Variants in BLTP1 observed in about 807,000 individuals in gnomAD.
BLTP1 encodes fragile site-associated protein.
At chr4:122,225,455 A>G in the BLTP1 span, 2 of 152,190 alleles carry the variant, frequency 1.3e-5, no homozygotes, top group African/African-American at 4.8e-5. Context: ...CTGGAATTTG[A>G]TAGGAATGTT....
At chr4:122,169,775 C>A in the BLTP1 span, 4 of 984,846 alleles carry the variant, frequency 4.1e-6, no homozygotes, top group Non-Finnish European at 4.8e-6. Flanking sequence ...GTGAATTTTT[C>A]TTTATCCTAA....
the BLTP1 span, chr4:122,247,837 A>G: frequency 3.0e-6 from 3 of 987,106 alleles, no homozygotes; most frequent in Non-Finnish European, 3.6e-6. Context: ...AGGAAAGTAG[A>G]GCTGTTATAC....
At chr4:122,179,883 C>A in the BLTP1 span, 1 of 985,168 alleles carries the variant, frequency 1.0e-6, no homozygotes, top group Non-Finnish European at 1.2e-6. Flanking sequence ...ATCCTCCCTG[C>A]CCCCCACATA....
the BLTP1 span, chr4:122,271,615 G>T: frequency 6.2e-7 from 1 of 1,613,230 alleles, no homozygotes; most frequent in Non-Finnish European, 8.5e-7. Flanking sequence ...AACAAAGTGA[G>T]CCTTCAGCTG....
chr4:122,230,229 G>T, the BLTP1 span: 1 of 1,605,848 alleles, frequency 6.2e-7, no homozygotes, highest in South Asian at 1.1e-5. Flanking sequence ...AAAATGTTAA[G>T]AATGGCAGTA....
chr4:122,332,666 A>G, the BLTP1 span, among the ~76,000 whole-genome samples: 2 of 140,900 alleles, frequency 1.4e-5, no homozygotes, highest in East Asian at 4.2e-4. Context: ...GTTTTAGGGT[A>G]CATGTGCACA....
the BLTP1 span, chr4:122,343,261 ATTTAAATCTATTGATCT>A: frequency 4.8e-6 from 5 of 1,031,438 alleles, no homozygotes. Context: ...AGTTTTAAGG[ATTTAAATCTATTGATCT>A]GTTAAATCTA....
chr4:122,273,876 AAG>A, the BLTP1 span, among the ~76,000 whole-genome samples: 21 of 152,082 alleles, frequency 1.4e-4, no homozygotes, highest in Non-Finnish European at 2.5e-4. Flanking sequence ...TAAATGAAAA[AAG>A]TAGGCAAAAT....
At chr4:122,324,316 A>G in the BLTP1 span, 1 of 1,106,902 alleles carries the variant, frequency 9.0e-7, no homozygotes, top group Non-Finnish European at 1.2e-6. Flanking sequence ...GTAACATTAA[A>G]GTCCCCTGGG....
At chr4:122,184,752 A>G in the BLTP1 span, 1 of 985,122 alleles carries the variant, frequency 1.0e-6, no homozygotes, top group East Asian at 1.1e-4. Flanking sequence ...TCATTAGCAT[A>G]CTGCCTTTCT....
the BLTP1 span, chr4:122,336,787 C>A: frequency 8.1e-6 from 11 of 1,351,722 alleles, no homozygotes; most frequent in Middle Eastern, 2.5e-4. Flanking sequence ...GGTGTTCATA[C>A]CTTTCATCTC....
chr4:122,244,144 T>C, the BLTP1 span: 1 of 1,053,456 alleles, frequency 9.5e-7, no homozygotes, highest in Non-Finnish European at 1.3e-6. Flanking sequence ...GTATATGTGA[T>C]ATATGTTCAT....
At chr4:122,296,410 A>G in the BLTP1 span, among the ~76,000 whole-genome samples, 2,127 of 152,304 alleles carry the variant, frequency 0.014, 53 homozygotes, top group African/African-American at 0.048. Flanking sequence ...GCTCAAGGAA[A>G]TCAGAGAGGA....
chr4:122,155,412 C>T, the BLTP1 span, among the ~76,000 whole-genome samples: 2 of 151,722 alleles, frequency 1.3e-5, no homozygotes, highest in East Asian at 1.9e-4. Flanking sequence ...CAACCTCTGC[C>T]TCCTGGGTTC....
the BLTP1 span, among the ~76,000 whole-genome samples, chr4:122,164,217 C>G: frequency 6.6e-6 from 1 of 152,142 alleles, no homozygotes; most frequent in Non-Finnish European, 1.5e-5. Context: ...TGGGAGACAC[C>G]TATACCTTGG....
At chr4:122,284,629 A>G in the BLTP1 span, among the ~76,000 whole-genome samples, 1 of 151,794 alleles carries the variant, frequency 6.6e-6, no homozygotes, top group Non-Finnish European at 1.5e-5. Context: ...TTGTCTCTTC[A>G]CGTTTCAGTT....
the BLTP1 span, among the ~76,000 whole-genome samples, chr4:122,217,711 G>A: frequency 2.0e-5 from 3 of 152,032 alleles, no homozygotes; most frequent in East Asian, 5.8e-4. Context: ...TTTGGTATTC[G>A]GGTGATTACT....
the BLTP1 span, among the ~76,000 whole-genome samples, chr4:122,360,225 T>C: frequency 3.9e-5 from 6 of 152,198 alleles, no homozygotes; most frequent in Admixed American, 3.9e-4. Flanking sequence ...ATGCCTAATA[T>C]CTCAAATTTA....
the BLTP1 span, among the ~76,000 whole-genome samples, chr4:122,345,694 A>G: frequency 1.3e-5 from 2 of 152,036 alleles, no homozygotes; most frequent in Admixed American, 1.3e-4. Context: ...ATGCTTCAGA[A>G]TGGTGTTTTA....
Sources: allele counts gnomAD v4.1 joint callset (sites outside exome capture counted in the v4.1 genomes callset), GRCh38; gene constraint gnomAD v4.1.1; transcripts MANE v1.5; gene names NCBI Gene and HGNC (gene_info 2026-07-23, HGNC 2026-07-21).